Variants in SLCO2A1 observed in about 807,000 individuals in gnomAD.
SLCO2A1 encodes solute carrier organic anion transporter family member 2A1.
Under a neutral mutation model 71.7 loss-of-function variants are expected in SLCO2A1, and 60 were observed. The observed-to-expected ratio is 0.84, with a 90% CI of 0.68 to 1.04. SLCO2A1 has a LOEUF of 1.04. Among genes scored for constraint, SLCO2A1 ranks in the 50% least tolerant of loss-of-function variants. The pLI is 0.00. For synonymous variants in SLCO2A1, 308 were observed against 326.7 expected (o/e 0.94, Z 0.62); for missense variants, 745 against 813.4 (o/e 0.92, Z 1.02).
chr3:134,007,854 G>T (rs1003050951), intron 1 of SLCO2A1, among the ~76,000 whole-genome samples: 3 of 152,144 alleles, frequency 2.0e-5, no homozygotes, highest in Non-Finnish European at 2.9e-5. Context: ...TGTCCTCATT[G>T]TTCCTGTGTT....
At chr3:133,978,649 G>C (rs1313430888) in intron 2 of SLCO2A1, among the ~76,000 whole-genome samples, 1 of 152,112 alleles carries the variant, frequency 6.6e-6, no homozygotes, top group Non-Finnish European at 1.5e-5. Context: ...TGATGCTCCA[G>C]AGGAGCAACC....
At position 133,935,907 on chromosome 3, in the gene SLCO2A1, G is replaced by C. The variant is rs766536436; in HGVS notation, c.1691-10C>G. ...GGAGATGGCAGCCAGGCTGGAAGAGGGTTCAGAAAGCCCTGGTCAGGTGGA... is the reference window on the plus strand; with the variant it reads ...GGAGATGGCAGCCAGGCTGGAAGAGCGTTCAGAAAGCCCTGGTCAGGTGGA... On this transcript the variant is annotated splice_polypyrimidine_tract_variant and intron_variant, in intron 12 of 13. Transcript: ENST00000310926. 1 of 1,581,438 alleles carries C rather than the reference G, an allele frequency of 6.3e-7. No homozygotes were observed. The highest frequency in any genetic ancestry group is 8.6e-7 in the Non-Finnish European group (1 of 1,162,016).
At chr3:134,029,526 TCACACACACACTCG>T (rs1373486653) in intron 1 of SLCO2A1, among the ~76,000 whole-genome samples, 167 bp downstream of exon 1, 1 of 149,096 alleles carries the variant, frequency 6.7e-6, no homozygotes, top group South Asian at 2.1e-4. Context: ...ACACACACGC[TCACACACACACTCG>T]CACACACACG....
At chr3:134,001,120 C>T (rs1276339697) in intron 1 of SLCO2A1, among the ~76,000 whole-genome samples, 10 of 145,266 alleles carry the variant, frequency 6.9e-5, no homozygotes, top group Non-Finnish European at 1.4e-4. Flanking sequence ...AGTCTTTGGT[C>T]TTTTTTTTTT....
rs1301283819 is a variant in SLCO2A1 at position 133,932,817 on chromosome 3, C to A, written c.*1896G>T. 1.3e-5 allele frequency: 2 copies of A among 152,592 alleles called. No individual in the cohort carries two copies. Among genetic ancestry groups the A allele is most frequent in the Non-Finnish European group, 2.9e-5 (2 of 68,032 alleles). 9.5% of individuals were successfully genotyped at this position (152,592 alleles called of 1,614,324 possible). A position where few individuals can be genotyped will look rare whatever the true frequency, so the allele number is the denominator to read the frequency against. The stretch of plus-strand genomic sequence containing the variant: ...CATTGTTCATAAACTCAGCTGAAGG[C>A]AGTGCCTTCCAAATGTGGTTAAATT... On this transcript the variant is annotated 3_prime_UTR_variant, in exon 14 of 14. Transcript: ENST00000310926.
At chr3:133,983,961 A>G (rs1934652478) in intron 1 of SLCO2A1, among the ~76,000 whole-genome samples, 1 of 152,126 alleles carries the variant, frequency 6.6e-6, no homozygotes, top group Non-Finnish European at 1.5e-5. Context: ...GAGGGCCAGG[A>G]AGAGGTCAAA....
At chr3:133,935,038 T>C (rs1933234747) in intron 13 of SLCO2A1, among the ~76,000 whole-genome samples, 1 of 152,052 alleles carries the variant, frequency 6.6e-6, no homozygotes, top group South Asian at 2.1e-4. Context: ...CATGGGACTC[T>C]TAATCCAGGG....
At chr3:133,976,887 TTAAC>T (rs1460275149) in intron 2 of SLCO2A1, among the ~76,000 whole-genome samples, 1 of 152,220 alleles carries the variant, frequency 6.6e-6, no homozygotes, top group Non-Finnish European at 1.5e-5. Context: ...TCTTCTCTTC[TTAAC>T]TAAGTTCCTC....
chr3:133,938,644 C>T (rs907157805), intron 11 of SLCO2A1, 151 bp from the exon 12 acceptor site: 72 of 685,750 alleles, frequency 1.0e-4, no homozygotes, highest in South Asian at 2.1e-4. Context: ...GCTGAATGCT[C>T]TAGTTCTTTA....
chr3:133,945,034 A>G (rs999629587), intron 10 of SLCO2A1, 61 bp downstream of exon 10: 4 of 1,543,806 alleles, frequency 2.6e-6, no homozygotes, highest in African/African-American at 1.4e-5. Context: ...CTTTGAGGGC[A>G]TGCGCTGAGC....
chr3:134,007,260 C>CTG (rs1451173137), intron 1 of SLCO2A1, among the ~76,000 whole-genome samples: 1 of 152,208 alleles, frequency 6.6e-6, no homozygotes, highest in Non-Finnish European at 1.5e-5. Context: ...TTCTCCCATT[C>CTG]TGTAGATTGC....
chr3:133,944,412 A>G (rs531918964), intron 10 of SLCO2A1, among the ~76,000 whole-genome samples: 1 of 152,358 alleles, frequency 6.6e-6, no homozygotes, highest in East Asian at 1.9e-4. Flanking sequence ...GACTCAAGTC[A>G]GTTTGCTGCT....
At chr3:133,987,685 GA>G (rs1276083638) in intron 1 of SLCO2A1, among the ~76,000 whole-genome samples, 1 of 152,180 alleles carries the variant, frequency 6.6e-6, no homozygotes, top group Non-Finnish European at 1.5e-5. Flanking sequence ...ATTTGGCTCA[GA>G]ATAAATCTCT....
intron 1 of SLCO2A1, among the ~76,000 whole-genome samples, chr3:133,985,125 C>T (rs938382075): frequency 6.6e-6 from 1 of 152,172 alleles, no homozygotes; most frequent in Non-Finnish European, 1.5e-5. Flanking sequence ...TCTGAGAACC[C>T]TAGAATAGAA....
intron 3 of SLCO2A1, among the ~76,000 whole-genome samples, chr3:133,972,357 T>A (rs1025188763): frequency 6.6e-6 from 1 of 151,928 alleles, no homozygotes; most frequent in Non-Finnish European, 1.5e-5. Context: ...CTGAAAACTA[T>A]GAAAGAGAGG....
At chr3:133,999,729 C>T (rs142748943) in intron 1 of SLCO2A1, among the ~76,000 whole-genome samples, 117 of 152,170 alleles carry the variant, frequency 7.7e-4, no homozygotes, top group Non-Finnish European at 1.4e-3. Flanking sequence ...ATCCCTAGTC[C>T]TAGGAGACAA....
intron 1 of SLCO2A1, among the ~76,000 whole-genome samples, chr3:134,001,341 C>T (rs776285552): frequency 7.2e-5 from 11 of 152,220 alleles, no homozygotes; most frequent in Non-Finnish European, 1.3e-4. Flanking sequence ...AAACTCCTGG[C>T]CTCAGGTAAT....
chr3:134,009,061 C>A (rs1431527196), intron 1 of SLCO2A1, among the ~76,000 whole-genome samples: 1 of 152,208 alleles, frequency 6.6e-6, no homozygotes, highest in Non-Finnish European at 1.5e-5. Flanking sequence ...ATTTTACATA[C>A]CACAATGAGA....
chr3:133,941,136 T>G (rs777047847), intron 11 of SLCO2A1, among the ~76,000 whole-genome samples: 1 of 152,172 alleles, frequency 6.6e-6, no homozygotes, highest in Non-Finnish European at 1.5e-5. Flanking sequence ...TTTGATTTGA[T>G]AGCTTTCACA....
Sources: gnomAD v4.1 joint callset for allele counts (sites outside exome capture counted in the v4.1 genomes callset) on GRCh38, gnomAD v4.1.1 for gene constraint, MANE v1.5 for transcripts, NCBI Gene and HGNC (gene_info 2026-07-23, HGNC 2026-07-21) for gene names.